GAS7: variants seen among roughly 807,000 people sequenced by gnomAD.
The protein encoded by GAS7 is growth arrest-specific protein 7.
GAS7 carries 28 observed loss-of-function variants against 71.1 expected under a neutral mutation model. The ratio of observed to expected loss-of-function variants is 0.39; its 90% CI spans 0.29 to 0.54. The LOEUF is 0.54. Among genes scored for constraint, GAS7 ranks in the 20% least tolerant of loss-of-function variants. The probability of loss-of-function intolerance (pLI) is 0.62; values close to 1 mark genes in which losing one functional copy is unlikely to be tolerated. For missense variants in GAS7, 436 were observed against 627.8 expected, an observed-to-expected ratio of 0.69 and a Z score of 3.27; for synonymous variants, 258 against 245.8, an observed-to-expected ratio of 1.05 and a Z score of -0.46.
At chr17:10,036,474 A>G (rs780203554) in intron 1 of GAS7, 3 of 1,613,850 alleles carry the variant, frequency 1.9e-6, no homozygotes, top group Non-Finnish European at 1.7e-6. Context: ...CTGCTACCTC[A>G]GAGGAGAGTC....
chr17:9,990,229 G>T (rs555078857), intron 2 of GAS7, among the ~76,000 whole-genome samples: 3 of 152,080 alleles, frequency 2.0e-5, no homozygotes, highest in East Asian at 3.9e-4. Context: ...AGATCGCACC[G>T]CTGCACTTCA....
At chr17:9,978,865 G>A (rs769769830) in intron 3 of GAS7, among the ~76,000 whole-genome samples, 2 of 152,044 alleles carry the variant, frequency 1.3e-5, no homozygotes, top group African/African-American at 2.4e-5. Context: ...TGAGGCTCTG[G>A]GTCACTCTAG....
chr17:9,995,526 CA>C (rs1455378443), intron 2 of GAS7, among the ~76,000 whole-genome samples: 1 of 101,250 alleles, frequency 9.9e-6, no homozygotes, highest in Admixed American at 1.2e-4. Context: ...AAAACAATTG[CA>C]AATGATCAAT....
intron 3 of GAS7, among the ~76,000 whole-genome samples, chr17:9,972,119 T>C (rs765649788): frequency 9.2e-5 from 14 of 152,020 alleles, no homozygotes; most frequent in African/African-American, 2.4e-4. Flanking sequence ...CCTAGTACAG[T>C]AGAAGCTTGA....
chr17:10,155,200 G>A (rs1191764888), intron 1 of GAS7, among the ~76,000 whole-genome samples: 1 of 151,994 alleles, frequency 6.6e-6, no homozygotes, highest in Non-Finnish European at 1.5e-5. Context: ...ATTTTAAGTA[G>A]AGATGGGGTT....
chr17:9,917,452 G>A, intron 13 of GAS7, 111 bp from the exon 14 acceptor site: 1 of 773,010 alleles, frequency 1.3e-6, no homozygotes. Flanking sequence ...AGCCTCTCTA[G>A]AGGGCTCCGG....
intron 1 of GAS7, among the ~76,000 whole-genome samples, chr17:10,027,973 T>C (rs1461423819): frequency 2.0e-5 from 3 of 152,224 alleles, no homozygotes; most frequent in Non-Finnish European, 4.4e-5. Flanking sequence ...AACCTCCGCC[T>C]CTCAGGTTTA....
intron 13 of GAS7, 134 bp downstream of exon 13, chr17:9,917,867 C>T: frequency 1.6e-6 from 1 of 644,174 alleles, no homozygotes; most frequent in Non-Finnish European, 2.7e-6. Flanking sequence ...CACCCCCAGG[C>T]CAGAGCACCT....
At chr17:10,035,082 C>G (rs73269545) in intron 1 of GAS7, among the ~76,000 whole-genome samples, 4 of 151,858 alleles carry the variant, frequency 2.6e-5, no homozygotes, top group African/African-American at 7.3e-5. Context: ...GCACCCCACA[C>G]GCCCTCTTCC....
At chr17:9,999,012 C>A (rs1027051907) in intron 2 of GAS7, among the ~76,000 whole-genome samples, 3 of 152,200 alleles carry the variant, frequency 2.0e-5, no homozygotes, top group Non-Finnish European at 2.9e-5. Flanking sequence ...AGCTTTTTAA[C>A]AGGCTCCAAG....
At chr17:10,087,606 G>T (rs1597784269) in intron 1 of GAS7, among the ~76,000 whole-genome samples, 1 of 152,132 alleles carries the variant, frequency 6.6e-6, no homozygotes, top group South Asian at 2.1e-4. Context: ...TACCACAGGG[G>T]ACTGAAGCAG....
chr17:10,198,227 C>G lies in GAS7; in HGVS notation c.164G>C (p.Ser55Thr). 6.2e-7 allele frequency: 1 copy of G among 1,608,104 alleles called. No individual in the cohort carries two copies. The highest frequency in any genetic ancestry group is 8.5e-7 in the Non-Finnish European group (1 of 1,179,454). The change falls in exon 1 of 14, where the codon AGC (serine) becomes ACC (threonine). Residue 55 changes from serine to threonine, a missense_variant. By Grantham distance (58) the Ser-to-Thr change is moderately conservative. Transcript: ENST00000432992. Reference protein sequence around the residue: ...EDGLRGWFPASYVQLLEKPGM... With the variant: ...EDGLRGWFPATYVQLLEKPGM... ...CCTTACCTCCAGCAACTGCACGTAGCTCGCCGGGAACCAGCCACGGAGCCC... is the reference window on the plus strand; with the variant it reads ...CCTTACCTCCAGCAACTGCACGTAGGTCGCCGGGAACCAGCCACGGAGCCC...
chr17:9,963,652 G>A (rs2069591184), intron 4 of GAS7, among the ~76,000 whole-genome samples: 3 of 152,066 alleles, frequency 2.0e-5, no homozygotes, highest in Non-Finnish European at 2.9e-5. Flanking sequence ...AGGATCGCTT[G>A]AGCCCAGGAG....
At chr17:10,079,268 AT>A (rs1181589223) in intron 1 of GAS7, among the ~76,000 whole-genome samples, 4 of 152,222 alleles carry the variant, frequency 2.6e-5, no homozygotes, top group Non-Finnish European at 4.4e-5. Context: ...AAAAATAAAC[AT>A]AAACACTGTA....
At chr17:10,036,812 G>A in intron 1 of GAS7, 1 of 988,090 alleles carries the variant, frequency 1.0e-6, no homozygotes, top group South Asian at 3.3e-5. Context: ...AACGTTGGCT[G>A]AGGTCACAAC....
chr17:9,994,190 C>A (rs1351713870), intron 2 of GAS7, among the ~76,000 whole-genome samples: 7 of 150,888 alleles, frequency 4.6e-5, no homozygotes, highest in Non-Finnish European at 8.9e-5. Flanking sequence ...CTTTAAAGTT[C>A]ATATGGAACC....
intron 9 of GAS7, among the ~76,000 whole-genome samples, chr17:9,928,358 G>A (rs953409599): frequency 1.7e-4 from 26 of 150,966 alleles, no homozygotes; most frequent in African/African-American, 6.3e-4. Context: ...TCCTGACCTC[G>A]TGATCCGCCC....
At chr17:9,994,633 G>T (rs951964316) in intron 2 of GAS7, among the ~76,000 whole-genome samples, 2 of 150,434 alleles carry the variant, frequency 1.3e-5, no homozygotes, top group East Asian at 1.9e-4. Context: ...AAGGACTTCA[G>T]GTCTAAAACA....
At chr17:10,123,624 T>C (rs1051257587) in intron 1 of GAS7, among the ~76,000 whole-genome samples, 2 of 152,206 alleles carry the variant, frequency 1.3e-5, no homozygotes, top group African/African-American at 4.8e-5. Context: ...TTATCATCTC[T>C]CAGCACTTTT....
Sources: gnomAD v4.1 joint callset for allele counts (sites outside exome capture counted in the v4.1 genomes callset) on GRCh38, gnomAD v4.1.1 for gene constraint, MANE v1.5 for transcripts, NCBI Gene and HGNC (gene_info 2026-07-23, HGNC 2026-07-21) for gene names.